The following CDK8 variants were observed in gnomAD, a reference collection of about 807,000 sequenced individuals.
CDK8 encodes the protein cyclin dependent kinase 8.
CDK8 carries 29 observed loss-of-function variants against 71.5 expected under a neutral mutation model. That is an observed-to-expected ratio of 0.41 (90% CI 0.30 to 0.55). The LOEUF (loss-of-function observed/expected upper bound fraction) is 0.55, where lower values mean the gene tolerates loss of function less well. CDK8 is among the 20% of genes least tolerant of loss of function. The pLI is 0.37. For synonymous variants in CDK8, 161 were observed against 192.1 expected (o/e 0.84, Z 1.34); for missense variants, 288 against 572.6 (o/e 0.50, Z 5.07).
chr13:26,271,747 C>T (rs779308445), intron 1 of CDK8, among the ~76,000 whole-genome samples: 10 of 130,742 alleles, frequency 7.6e-5, no homozygotes, highest in Admixed American at 1.7e-4. Flanking sequence ...GAGCTTGAGG[C>T]GGTGGTGAGC....
At chr13:26,361,871 C>A (rs12865885) in intron 4 of CDK8, among the ~76,000 whole-genome samples, 59,638 of 139,472 alleles carry the variant, frequency 0.43, 13,920 homozygotes, top group Middle Eastern at 0.56. Flanking sequence ...CTCAAGAGAT[C>A]GTCCTGCCTC....
intron 1 of CDK8, among the ~76,000 whole-genome samples, chr13:26,312,652 T>G (rs1874341619): frequency 1.3e-5 from 2 of 150,892 alleles, no homozygotes; most frequent in South Asian, 2.1e-4. Context: ...AACACTCACC[T>G]CTAGGGTCCG....
At chr13:26,280,049 A>T (rs1039186551) in intron 1 of CDK8, among the ~76,000 whole-genome samples, 2 of 152,182 alleles carry the variant, frequency 1.3e-5, no homozygotes, top group Non-Finnish European at 2.9e-5. Context: ...ATAGATGTTT[A>T]TTATACATCC....
intron 4 of CDK8, among the ~76,000 whole-genome samples, chr13:26,356,734 A>G (rs1565984231): frequency 6.6e-6 from 1 of 152,218 alleles, no homozygotes; most frequent in Non-Finnish European, 1.5e-5. Context: ...AACTCTCAAG[A>G]ACATTGTTCA....
intron 7 of CDK8, among the ~76,000 whole-genome samples, chr13:26,394,682 G>C (rs1172754005): frequency 6.6e-6 from 1 of 152,212 alleles, no homozygotes; most frequent in Non-Finnish European, 1.5e-5. Flanking sequence ...TGGTGAAGAT[G>C]TCTATCAGTG....
intron 2 of CDK8, among the ~76,000 whole-genome samples, chr13:26,344,601 C>T (rs9553793): frequency 0.41 from 62,106 of 151,918 alleles, 14,413 homozygotes; most frequent in Non-Finnish European, 0.52. Flanking sequence ...CTTGTCTCTA[C>T]CAAAAAAATA....
intron 1 of CDK8, among the ~76,000 whole-genome samples, chr13:26,318,561 C>T (rs550598851): frequency 3.3e-5 from 5 of 152,178 alleles, no homozygotes; most frequent in East Asian, 1.9e-4. Context: ...AATTCAACAG[C>T]GTGTTAATGG....
intron 4 of CDK8, among the ~76,000 whole-genome samples, chr13:26,379,233 CG>C (rs1448117816): frequency 1.3e-5 from 2 of 152,146 alleles, no homozygotes; most frequent in African/African-American, 2.4e-5. Flanking sequence ...CATGCCCAAA[CG>C]GAATCTGAAT....
intron 1 of CDK8, among the ~76,000 whole-genome samples, chr13:26,283,267 A>G (rs1294317634): frequency 6.6e-6 from 1 of 152,234 alleles, no homozygotes; most frequent in Admixed American, 6.5e-5. Context: ...CACATGGAAC[A>G]TTCTCTAAGA....
chr13:26,309,053 G>A (rs1004377684), intron 1 of CDK8, among the ~76,000 whole-genome samples: 2 of 151,940 alleles, frequency 1.3e-5, no homozygotes, highest in African/African-American at 4.8e-5. Context: ...GCATTTTCCT[G>A]TACTTACGAC....
chr13:26,264,097 CT>C (rs1470258312), intron 1 of CDK8, among the ~76,000 whole-genome samples: 1 of 152,154 alleles, frequency 6.6e-6, no homozygotes, highest in African/African-American at 2.4e-5. Flanking sequence ...ATGTGACTTT[CT>C]TTGCAAAAAT....
intron 1 of CDK8, among the ~76,000 whole-genome samples, chr13:26,285,365 A>G (rs535514358): frequency 6.6e-6 from 1 of 152,384 alleles, no homozygotes; most frequent in South Asian, 2.1e-4. Flanking sequence ...ATGGAAGTCA[A>G]TAAATGTGAT....
chr13:26,402,477 A>G (rs567549388), intron 12 of CDK8, among the ~76,000 whole-genome samples: 2 of 152,338 alleles, frequency 1.3e-5, no homozygotes, highest in Admixed American at 6.5e-5. Context: ...CACAAAAAAA[A>G]AGAGAGAGAG....
At chr13:26,291,915 A>T (rs181748125) in intron 1 of CDK8, among the ~76,000 whole-genome samples, 1 of 152,090 alleles carries the variant, frequency 6.6e-6, no homozygotes, top group South Asian at 2.1e-4. Context: ...TTTTGCTGGC[A>T]TACTTCCCTG....
chr13:26,290,789 G>T (rs1175062014), intron 1 of CDK8, among the ~76,000 whole-genome samples: 1 of 151,856 alleles, frequency 6.6e-6, no homozygotes, highest in Non-Finnish European at 1.5e-5. Context: ...GCAATCAAAA[G>T]CATGGTTTGC....
At chr13:26,396,828 A>C (rs1876017413) in intron 8 of CDK8, among the ~76,000 whole-genome samples, 1 of 152,096 alleles carries the variant, frequency 6.6e-6, no homozygotes, top group Non-Finnish European at 1.5e-5. Flanking sequence ...TTTTACACTT[A>C]TTGGTAAGGC....
Position 26,404,045 on chromosome 13 carries a change from G to T in CDK8, c.1359G>T (p.Gln453His), listed in dbSNP as rs1163694705. The T allele has an allele frequency of 1.3e-5, 21 of 1,613,926 alleles. No homozygotes were observed. The Admixed American group carries it at 3.5e-4, about 27-fold the overall frequency. Residue 453 changes from glutamine to histidine, a missense_variant, in exon 13 of 13, where the codon CAG becomes CAT. Transcript: ENST00000381527. The part of the protein sequence containing the change: ...SSMGYSATSQ[Q>H]PPQYSHQTHR... Reference sequence around the variant, plus strand: ...TGGGATACTCAGCTACCTCCCAGCAGCCTCCACAGTACTCACATCAGACAC... The same window carrying T: ...TGGGATACTCAGCTACCTCCCAGCATCCTCCACAGTACTCACATCAGACAC...
At chr13:26,350,864 A>G (rs1173746709) in intron 3 of CDK8, among the ~76,000 whole-genome samples, 60 of 152,218 alleles carry the variant, frequency 3.9e-4, no homozygotes, top group Non-Finnish European at 7.3e-5. Context: ...TTTGCAGTTT[A>G]CTAAGCAGAT....
chr13:26,299,409 A>G (rs1223815871), intron 1 of CDK8, among the ~76,000 whole-genome samples: 3 of 152,200 alleles, frequency 2.0e-5, no homozygotes, highest in Admixed American at 6.5e-5. Context: ...CCTAGGCTAT[A>G]TTGTATAGCC....
Sources: gnomAD v4.1 joint callset for allele counts (sites outside exome capture counted in the v4.1 genomes callset) on GRCh38, gnomAD v4.1.1 for gene constraint, MANE v1.5 for transcripts, NCBI Gene and HGNC (gene_info 2026-07-23, HGNC 2026-07-21) for gene names.